IFT74: variants seen among roughly 807,000 people sequenced by gnomAD.
IFT74 encodes intraflagellar transport 74.
A neutral mutation model predicts 96.7 loss-of-function variants in IFT74; 92 were observed. The observed-to-expected ratio is 0.95, with a 90% CI of 0.80 to 1.13. The LOEUF (loss-of-function observed/expected upper bound fraction) is 1.13, where lower values mean the gene tolerates loss of function less well. Among genes scored for constraint, IFT74 ranks in the 50% most tolerant of loss-of-function variants. The pLI is 0.00. For missense variants in IFT74, 811 were observed against 698.2 expected (o/e 1.16, Z -1.82); for synonymous variants, 223 against 213.2 (o/e 1.05, Z -0.40).
chr9:26,954,279 T>C (rs1826014952), upstream of IFT74, among the ~76,000 whole-genome samples: 1 of 152,190 alleles, frequency 6.6e-6, no homozygotes. Flanking sequence ...TAAAACGGAA[T>C]CACAAGTGGC....
At chr9:27,021,677 G>C (rs1829610853) in intron 12 of IFT74, among the ~76,000 whole-genome samples, 1 of 151,810 alleles carries the variant, frequency 6.6e-6, no homozygotes, top group African/African-American at 2.4e-5. Context: ...ACTTTTTTAT[G>C]GGATTTTTTT....
chr9:27,052,489 C>T lies in IFT74; in HGVS notation c.1334-3120C>T, dbSNP rs918738504. 5.2e-4 allele frequency among the ~76,000 whole-genome samples: 53 copies of T among 102,320 alleles called. 1 individual carries two copies. In the South Asian group the frequency reaches 0.015, roughly 28 times the overall value. 67.1% of individuals were successfully genotyped at this position (102,320 alleles called of 152,430 possible). On this transcript the variant is annotated intron_variant, in intron 16 of 19. Transcript: ENST00000380062. ...CGCCATTGCACTCCAGCCTGGGCAACAGAGTGAAAATCTATCTCAAAAAAA... is the reference window on the plus strand; with the variant it reads ...CGCCATTGCACTCCAGCCTGGGCAATAGAGTGAAAATCTATCTCAAAAAAA...
rs577043464 is a variant in IFT74, at chr9:27,013,209, A to T, written c.789+1241A>T. Among the ~76,000 whole-genome samples, 32 of 152,206 alleles carry T rather than the reference A, an allele frequency of 2.1e-4. No individual in the cohort carries two copies. In the East Asian group the frequency reaches 6.0e-3, roughly 28 times the overall value. The stretch of plus-strand genomic sequence containing the variant: ...AAGTGGGGTTCCTACGTGCTATGCT[A>T]GCTGCAGCTTTCTTTTTTCACCCTA... On this transcript the variant is annotated intron_variant, in intron 10 of 19. Coordinates refer to ENST00000380062, the MANE Select transcript of IFT74 (RefSeq NM_025103.4).
rs759662469 is a variant in IFT74 at position 27,029,104 on chromosome 9, G to T, written c.1054G>T (p.Gly352Cys). Residue 352 changes from glycine to cysteine, a missense_variant and splice_region_variant, in exon 13 of 20, where the codon GGT (glycine) becomes TGT (cysteine). By Grantham distance (159) the Gly-to-Cys change is radical. Transcript: ENST00000380062. Reference sequence around the variant, plus strand: ...TGACATGGATTTAGAGGAACACCAAGGTATGCTTCTGGTATTTTTATAATG... The same window carrying T: ...TGACATGGATTTAGAGGAACACCAATGTATGCTTCTGGTATTTTTATAATG... ...QLDMDLEEHQ[G>C]EMNQKYKELK... 5 of 1,592,434 alleles carry T rather than the reference G, an allele frequency of 3.1e-6. No homozygotes were observed. The highest frequency in any genetic ancestry group is 3.5e-5 in the Admixed American group (2 of 56,556).
chr9:27,010,684 T>G (rs61711179), intron 9 of IFT74, among the ~76,000 whole-genome samples: 2,777 of 149,876 alleles, frequency 0.019, 83 homozygotes, highest in African/African-American at 0.063. Context: ...GTAGAGACAG[T>G]GTTTCACCGT....
intron 13 of IFT74, among the ~76,000 whole-genome samples, chr9:27,030,717 TCATGCTACTTTCCAAAA>T (rs1830081423): frequency 6.6e-6 from 1 of 152,180 alleles, no homozygotes; most frequent in Non-Finnish European, 1.5e-5. Flanking sequence ...TTGGCAGATG[TCATGCTACTTTCCAAAA>T]AGCCTGAACC....
At chr9:26,950,884 G>A (rs1046539313) in intron 1 of IFT74, among the ~76,000 whole-genome samples, 2 of 152,336 alleles carry the variant, frequency 1.3e-5, no homozygotes, top group East Asian at 3.9e-4. Flanking sequence ...AGAACATAGT[G>A]CAGCTGGGAC....
chr9:26,994,771 A>G (rs921352948), intron 8 of IFT74: 2 of 152,612 alleles, frequency 1.3e-5, no homozygotes, highest in African/African-American at 2.4e-5. Context: ...GCACAGACCA[A>G]TTTGAATAAA....
intron 8 of IFT74, among the ~76,000 whole-genome samples, chr9:27,000,242 CATT>C (rs780276330): frequency 2.0e-5 from 3 of 151,948 alleles, no homozygotes; most frequent in Non-Finnish European, 4.4e-5. Context: ...AAGTGTGTCT[CATT>C]AGTTTCTAGA....
At chr9:26,998,306 C>A in intron 8 of IFT74, 1 of 989,442 alleles carries the variant, frequency 1.0e-6, no homozygotes, top group Non-Finnish European at 1.4e-6. Context: ...CACCAAATTT[C>A]ATATTTAAGC....
chr9:26,953,290 C>CT (rs1825990137), upstream of IFT74, among the ~76,000 whole-genome samples: 1 of 152,102 alleles, frequency 6.6e-6, no homozygotes, highest in Non-Finnish European at 1.5e-5. Context: ...AAGGAGCATT[C>CT]TTTTTTATAG....
chr9:27,022,162 G>A (rs963884046), intron 12 of IFT74, among the ~76,000 whole-genome samples: 1 of 151,950 alleles, frequency 6.6e-6, no homozygotes, highest in Non-Finnish European at 1.5e-5. Flanking sequence ...TTATTTCTGG[G>A]TTCTCTATTC....
chr9:27,014,604 C>CT (rs547962280), intron 10 of IFT74, among the ~76,000 whole-genome samples: 2 of 151,910 alleles, frequency 1.3e-5, no homozygotes, highest in East Asian at 1.9e-4. Flanking sequence ...AGATTTCTTT[C>CT]TTTTTAAAAA....
At chr9:26,991,344 C>T (rs762616945) in intron 8 of IFT74, among the ~76,000 whole-genome samples, 12 of 152,134 alleles carry the variant, frequency 7.9e-5, no homozygotes, top group Admixed American at 4.6e-4. Flanking sequence ...CCTCAGCCCT[C>T]CAAGTAGCTG....
At chr9:27,048,553 A>G (rs1168399794) in intron 16 of IFT74, among the ~76,000 whole-genome samples, 1 of 152,226 alleles carries the variant, frequency 6.6e-6, no homozygotes, top group Non-Finnish European at 1.5e-5. Context: ...CTAAGGATAG[A>G]TTTTAGTCAG....
intron 7 of IFT74, 60 bp from the exon 8 acceptor site, chr9:26,990,074 C>A: frequency 9.9e-7 from 1 of 1,007,720 alleles, no homozygotes; most frequent in Non-Finnish European, 1.4e-6. Flanking sequence ...AAATAACCTA[C>A]AAAGAAAAAA....
At position 26,969,516 on chromosome 9, in the gene IFT74, A is replaced by G. The variant is rs548596939; in HGVS notation, c.120+7429A>G. 1.2e-4 allele frequency among the ~76,000 whole-genome samples: 18 copies of G among 152,044 alleles called. No individual in the cohort carries two copies. The South Asian group carries it at 2.1e-3, about 18-fold the overall frequency. On this transcript the variant is annotated intron_variant, in intron 2 of 19. Coordinates refer to ENST00000380062, the MANE Select transcript of IFT74 (RefSeq NM_025103.4). The stretch of plus-strand genomic sequence containing the variant: ...ATTATGTTGTTGTTGTTTTTTTAAA[A>G]TCTTCTGCTAATATGTATCTTTTAA...
intron 13 of IFT74, among the ~76,000 whole-genome samples, chr9:27,039,214 T>C (rs1819356801): frequency 2.6e-5 from 4 of 152,148 alleles, no homozygotes; most frequent in African/African-American, 9.7e-5. Context: ...AAATTTTTTG[T>C]AAAGACAGGA....
At chr9:26,960,805 C>T (rs943660714) in intron 1 of IFT74, among the ~76,000 whole-genome samples, 1 of 151,680 alleles carries the variant, frequency 6.6e-6, no homozygotes, top group Non-Finnish European at 1.5e-5. Context: ...ATGACAAGCT[C>T]CATGTCTCGC....
Sources: allele counts gnomAD v4.1 joint callset (sites outside exome capture counted in the v4.1 genomes callset), GRCh38; gene constraint gnomAD v4.1.1; transcripts MANE v1.5; gene names NCBI Gene and HGNC (gene_info 2026-07-23, HGNC 2026-07-21).